Variants in ILKAP observed in about 807,000 individuals in gnomAD.
ILKAP encodes ILK associated serine/threonine phosphatase, also known as integrin-linked kinase-associated serine/threonine phosphatase 2C.
ILKAP carries 11 observed loss-of-function variants against 49.1 expected under a neutral mutation model. The ratio of observed to expected loss-of-function variants is 0.22; its 90% CI spans 0.14 to 0.37. The LOEUF (loss-of-function observed/expected upper bound fraction) is 0.37, where lower values mean the gene tolerates loss of function less well. ILKAP is among the 10% of genes least tolerant of loss of function. The pLI is 1.00. For synonymous variants in ILKAP, 186 were observed against 192.8 expected, an observed-to-expected ratio of 0.96 and a Z score of 0.29; for missense variants, 363 against 510.8, an observed-to-expected ratio of 0.71 and a Z score of 2.79.
chr2:238,179,628 C>T (rs1693605272), intron 9 of ILKAP, among the ~76,000 whole-genome samples: 1 of 152,236 alleles, frequency 6.6e-6, no homozygotes, highest in African/African-American at 2.4e-5. Flanking sequence ...ATCCGGCTGT[C>T]ACCACCGGAG....
chr2:238,202,677 G>A (rs1184341027), intron 1 of ILKAP, among the ~76,000 whole-genome samples: 3 of 152,140 alleles, frequency 2.0e-5, no homozygotes, highest in Admixed American at 6.5e-5. Flanking sequence ...CAAGCTGGAA[G>A]TCTTGCATAT....
intron 9 of ILKAP, among the ~76,000 whole-genome samples, chr2:238,181,612 G>C (rs1211177420): frequency 6.7e-6 from 1 of 149,712 alleles, no homozygotes; most frequent in African/African-American, 2.4e-5. Flanking sequence ...AAAAGTGACA[G>C]GTTTTTTTTT....
intron 1 of ILKAP, among the ~76,000 whole-genome samples, chr2:238,195,113 G>C (rs1284415725): frequency 6.6e-6 from 1 of 152,162 alleles, no homozygotes; most frequent in African/African-American, 2.4e-5. Flanking sequence ...GGCATCTTCA[G>C]GGCCACTGAA....
intron 3 of ILKAP, among the ~76,000 whole-genome samples, chr2:238,190,842 G>C (rs1007326408): frequency 8.1e-6 from 1 of 123,250 alleles, no homozygotes; most frequent in Non-Finnish European, 1.6e-5. Context: ...AGGCATTTGA[G>C]ACCTGCCTGG....
At chr2:238,193,355 G>A (rs1054923204) in intron 3 of ILKAP, among the ~76,000 whole-genome samples, 1 of 152,106 alleles carries the variant, frequency 6.6e-6, no homozygotes, top group Non-Finnish European at 1.5e-5. Context: ...TGAGTAGCTG[G>A]GACGACAGGC....
intron 9 of ILKAP, 101 bp from the exon 10 acceptor site, chr2:238,173,754 TAC>T: frequency 1.5e-6 from 2 of 1,315,516 alleles, no homozygotes; most frequent in Admixed American, 2.1e-5. Context: ...GTGTGAAAGA[TAC>T]AGACTGTGGA....
At chr2:238,181,925 TCAC>T (rs1693710386) in intron 9 of ILKAP, 137 bp downstream of exon 9, 3 of 844,704 alleles carry the variant, frequency 3.6e-6, no homozygotes, top group African/African-American at 3.4e-5. Context: ...TCCACCTATG[TCAC>T]CAGTGTTAGA....
intron 10 of ILKAP, among the ~76,000 whole-genome samples, chr2:238,173,093 A>AG: frequency 6.6e-6 from 1 of 152,270 alleles, no homozygotes. Flanking sequence ...CAAACTCTCC[A>AG]GCATGGGGCT....
chr2:238,173,265 A>T (rs1693306248), intron 10 of ILKAP, among the ~76,000 whole-genome samples: 1 of 152,102 alleles, frequency 6.6e-6, no homozygotes, highest in African/African-American at 2.4e-5. Flanking sequence ...CCTCTCTCTG[A>T]CAGGGATAAC....
chr2:238,190,767 G>GCA (rs1694085689), intron 3 of ILKAP, among the ~76,000 whole-genome samples: 1 of 151,332 alleles, frequency 6.6e-6, no homozygotes, highest in Non-Finnish European at 1.5e-5. Flanking sequence ...ACAGCCAGAT[G>GCA]CAGTGGCACA....
At chr2:238,188,576 AT>A in intron 4 of ILKAP, 1 of 208,660 alleles carries the variant, frequency 4.8e-6, no homozygotes, top group African/African-American at 2.3e-5. Flanking sequence ...GAGAAGTGAG[AT>A]TCAAATCAGG....
chr2:238,180,811 G>T (rs781762468), intron 9 of ILKAP, among the ~76,000 whole-genome samples: 1 of 152,202 alleles, frequency 6.6e-6, no homozygotes, highest in Non-Finnish European at 1.5e-5. Flanking sequence ...TTCAGCCATC[G>T]GACTGTCAGT....
At chr2:238,171,149 TTTTC>T (rs1426323244) in intron 10 of ILKAP, 125 bp from the exon 11 acceptor site, 5 of 646,342 alleles carry the variant, frequency 7.7e-6, no homozygotes, top group Non-Finnish European at 1.3e-5. Context: ...AAGGTTTTTT[TTTTC>T]TTTTTTCTTT....
chr2:238,171,167 T>C (rs12620039), intron 10 of ILKAP, 143 bp from the exon 11 acceptor site: 8,292 of 611,402 alleles, frequency 0.014, 344 homozygotes, highest in East Asian at 0.1. Flanking sequence ...TTTCTTTTTT[T>C]TTTTTTTTTG....
intron 5 of ILKAP, among the ~76,000 whole-genome samples, chr2:238,187,850 T>C (rs1693968731): frequency 2.0e-5 from 3 of 152,322 alleles, no homozygotes; most frequent in South Asian, 4.1e-4. Flanking sequence ...AATTCTTTGT[T>C]GTGGGGCTGC....
chr2:238,171,106 T>C (rs900445241), intron 10 of ILKAP, 82 bp from the exon 11 acceptor site: 1 of 861,972 alleles, frequency 1.2e-6, no homozygotes, highest in Non-Finnish European at 1.9e-6. Flanking sequence ...GAGATGGAGA[T>C]AAAATAAATA....
At chr2:238,190,780 C>G (rs768500581) in intron 3 of ILKAP, among the ~76,000 whole-genome samples, 35 of 150,816 alleles carry the variant, frequency 2.3e-4, no homozygotes, top group Middle Eastern at 7.0e-3. Context: ...GTGGCACATG[C>G]CTGCAGTCAC....
At chr2:238,183,383 G>A (rs1048790081) in intron 8 of ILKAP, among the ~76,000 whole-genome samples, 1 of 152,152 alleles carries the variant, frequency 6.6e-6, no homozygotes, top group South Asian at 2.1e-4. Flanking sequence ...CACAAACCAC[G>A]GGAGGAAAAA....
intron 9 of ILKAP, among the ~76,000 whole-genome samples, chr2:238,181,306 A>G (rs546416164): frequency 1.5e-4 from 23 of 152,356 alleles, no homozygotes; most frequent in African/African-American, 4.8e-4. Context: ...AACAAACCAG[A>G]AAATACTCCT....
Sources: allele counts gnomAD v4.1 joint callset (sites outside exome capture counted in the v4.1 genomes callset), GRCh38; gene constraint gnomAD v4.1.1; transcripts MANE v1.5; gene names NCBI Gene and HGNC (gene_info 2026-07-23, HGNC 2026-07-21).